ERBB4: variants seen among roughly 807,000 people sequenced by gnomAD.
The protein encoded by ERBB4 is erb-b2 receptor tyrosine kinase 4.
ERBB4 carries 42 observed loss-of-function variants against 158.0 expected under a neutral mutation model. That is an observed-to-expected ratio of 0.27 (90% CI 0.21 to 0.34). ERBB4 has a LOEUF of 0.34. ERBB4 is among the 10% of genes least tolerant of loss of function. ERBB4 has a pLI of 1.00. For missense variants in ERBB4, 1,333 were observed against 1,624.1 expected (o/e 0.82, Z 3.08); for synonymous variants, 583 against 558.7 (o/e 1.04, Z -0.61).
At chr2:211,987,716 G>T (rs1029551342) in intron 2 of ERBB4, among the ~76,000 whole-genome samples, 1 of 152,080 alleles carries the variant, frequency 6.6e-6, no homozygotes. Context: ...AAATGCAATT[G>T]TTTCTCATTT....
At chr2:212,062,012 G>T (rs1466357013) in intron 2 of ERBB4, among the ~76,000 whole-genome samples, 2 of 152,024 alleles carry the variant, frequency 1.3e-5, no homozygotes, top group African/African-American at 2.4e-5. Context: ...TGGGATTACA[G>T]GCATGAGCCA....
intron 1 of ERBB4, among the ~76,000 whole-genome samples, chr2:212,461,574 G>C (rs532072762): frequency 1.3e-5 from 2 of 152,286 alleles, no homozygotes; most frequent in Admixed American, 1.3e-4. Flanking sequence ...AGGTGGAAGG[G>C]ACTTGCCTTG....
intron 1 of ERBB4, among the ~76,000 whole-genome samples, chr2:212,512,836 T>G (rs1691601339): frequency 6.6e-6 from 1 of 152,170 alleles, no homozygotes; most frequent in Admixed American, 6.5e-5. Flanking sequence ...GAAAAGCCCC[T>G]AGCAGAACAT....
intron 1 of ERBB4, among the ~76,000 whole-genome samples, chr2:212,532,577 G>A (rs980583719): frequency 6.6e-6 from 1 of 152,214 alleles, no homozygotes; most frequent in Non-Finnish European, 1.5e-5. Flanking sequence ...GCTTAGGCAT[G>A]ACTTTTAGCT....
At chr2:212,159,264 G>GTTT (rs72054973) in intron 1 of ERBB4, among the ~76,000 whole-genome samples, 2 of 141,278 alleles carry the variant, frequency 1.4e-5, no homozygotes, top group Admixed American at 7.1e-5. Context: ...GTGTGTTTTT[G>GTTT]TTTTTTTTTT....
At chr2:212,307,798 T>C (rs1270105709) in intron 1 of ERBB4, among the ~76,000 whole-genome samples, 1 of 151,108 alleles carries the variant, frequency 6.6e-6, no homozygotes, top group Non-Finnish European at 1.5e-5. Flanking sequence ...AAATTAATAT[T>C]TTCTTTTGAA....
intron 1 of ERBB4, among the ~76,000 whole-genome samples, chr2:212,282,917 T>C (rs755994277): frequency 8.5e-5 from 13 of 152,118 alleles, no homozygotes; most frequent in Non-Finnish European, 1.8e-4. Flanking sequence ...TGGGGAAAGA[T>C]AGATGTCTTT....
rs184206341 is a variant in ERBB4 at position 211,513,294 on chromosome 2, T to C, written c.2487+48609A>G. On this transcript the variant is annotated intron_variant, in intron 20 of 27. Transcript: ENST00000342788. ...TGAACCCGGGAAGCGGAGCTTGCAGTGAGCCGAGATTGCGCCACTGCAGTC... is the reference window on the plus strand; with the variant it reads ...TGAACCCGGGAAGCGGAGCTTGCAGCGAGCCGAGATTGCGCCACTGCAGTC... Among the ~76,000 whole-genome samples the C allele has an allele frequency of 3.9e-3, 541 of 139,944 alleles. 5 individuals carry two copies. Among genetic ancestry groups the C allele is most frequent in the African/African-American group, 0.013 (493 of 37,150 alleles). The allele number at this position is 139,944 out of a possible 152,430, so 91.8% of individuals were successfully genotyped here.
At chr2:212,521,113 T>C (rs1427030620) in intron 1 of ERBB4, among the ~76,000 whole-genome samples, 1 of 151,934 alleles carries the variant, frequency 6.6e-6, no homozygotes, top group East Asian at 1.9e-4. Flanking sequence ...TGTCCTATAT[T>C]GAAGTTTAAA....
intron 1 of ERBB4, chr2:212,426,278 T>C (rs778143280): frequency 2.1e-6 from 1 of 479,808 alleles, no homozygotes; most frequent in Non-Finnish European, 4.2e-6. Flanking sequence ...AATATTAGGT[T>C]GGTGCAAAAG....
chr2:211,692,096 C>T (rs188171181), intron 12 of ERBB4, among the ~76,000 whole-genome samples: 9 of 152,254 alleles, frequency 5.9e-5, no homozygotes, highest in Admixed American at 2.6e-4. Flanking sequence ...ACCCAAATAG[C>T]GTCAATCTGT....
intron 10 of ERBB4, 54 bp from the exon 11 acceptor site, chr2:211,704,248 T>C: frequency 3.5e-6 from 4 of 1,127,688 alleles, no homozygotes; most frequent in East Asian, 2.3e-5. Flanking sequence ...TTAGTATTAG[T>C]GCTGATTTTT....
rs145873218 is a variant in ERBB4, at chr2:211,451,580, A to C, written c.2488-20480T>G. Among the ~76,000 whole-genome samples, 15 of 152,262 alleles carry C rather than the reference A, an allele frequency of 9.9e-5. No homozygotes were observed. In the East Asian group the frequency reaches 2.9e-3, roughly 29 times the overall value. ...CAAAAAACAAAAAGAAAGCCCAACT[A>C]TTCCTAGCTAGGGAAGTGGTGGGGA... On this transcript the variant is annotated intron_variant, in intron 20 of 27. Transcript: ENST00000342788.
intron 20 of ERBB4, among the ~76,000 whole-genome samples, chr2:211,468,405 C>T (rs1393018141): frequency 6.6e-6 from 1 of 152,078 alleles, no homozygotes; most frequent in African/African-American, 2.4e-5. Flanking sequence ...CCAACCCATC[C>T]AGGGGTTTTG....
intron 1 of ERBB4, among the ~76,000 whole-genome samples, chr2:212,149,790 T>C (rs924008763): frequency 6.6e-6 from 1 of 152,178 alleles, no homozygotes; most frequent in African/African-American, 2.4e-5. Flanking sequence ...GCCCTTAAGA[T>C]TTCTCTATTT....
intron 20 of ERBB4, among the ~76,000 whole-genome samples, chr2:211,556,517 T>G (rs1488055072): frequency 6.6e-6 from 1 of 152,122 alleles, no homozygotes; most frequent in Non-Finnish European, 1.5e-5. Context: ...TAAAATTATT[T>G]TTTATTTTTT....
chr2:212,199,817 C>T (rs1298455115), intron 1 of ERBB4, among the ~76,000 whole-genome samples: 1 of 152,026 alleles, frequency 6.6e-6, no homozygotes, highest in African/African-American at 2.4e-5. Flanking sequence ...CTGAAGGACT[C>T]CAGAGACAGC....
intron 3 of ERBB4, among the ~76,000 whole-genome samples, chr2:211,880,390 GAC>G (rs2078629389): frequency 6.6e-6 from 1 of 152,106 alleles, no homozygotes. Flanking sequence ...ATATTTCAAT[GAC>G]AGTGTCTCCT....
At chr2:212,321,831 G>A (rs763449731) in intron 1 of ERBB4, among the ~76,000 whole-genome samples, 3 of 149,620 alleles carry the variant, frequency 2.0e-5, no homozygotes, top group African/African-American at 4.9e-5. Context: ...TAGATGTCTC[G>A]GTATCATTCA....
Sources: gnomAD v4.1 joint callset for allele counts (sites outside exome capture counted in the v4.1 genomes callset) on GRCh38, gnomAD v4.1.1 for gene constraint, MANE v1.5 for transcripts, NCBI Gene and HGNC (gene_info 2026-07-23, HGNC 2026-07-21) for gene names.